Variants in NOTCH2 observed in about 807,000 individuals in gnomAD.
NOTCH2 encodes neurogenic locus notch homolog protein 2.
NOTCH2 carries 29 observed loss-of-function variants against 235.8 expected under a neutral mutation model. That is an observed-to-expected ratio of 0.12 (90% CI 0.09 to 0.17). The LOEUF is 0.17. Ranked by LOEUF, NOTCH2 falls within the 10% of genes least tolerant of loss-of-function variation. NOTCH2 has a pLI of 1.00. For synonymous variants in NOTCH2, 1,086 were observed against 1,141.5 expected (o/e 0.95, Z 0.98); for missense variants, 2,285 against 3,150.2 (o/e 0.73, Z 6.57).
At chr1:119,967,960 G>A (rs1553199895) in intron 7 of NOTCH2, 117 bp downstream of exon 7, 1 of 1,137,850 alleles carries the variant, frequency 8.8e-7, no homozygotes, top group African/African-American at 1.5e-5. Flanking sequence ...CATGTAGCAA[G>A]AGTAATCTGA....
At chr1:120,060,406 ATG>A (rs1387826037) in intron 1 of NOTCH2, among the ~76,000 whole-genome samples, 2 of 148,288 alleles carry the variant, frequency 1.3e-5, no homozygotes, top group Admixed American at 6.7e-5. Flanking sequence ...ATAGTATATT[ATG>A]TGTGTGTGCA....
chr1:119,953,425 A>G (rs1203982842), intron 14 of NOTCH2, 118 bp downstream of exon 14: 3 of 1,103,530 alleles, frequency 2.7e-6, no homozygotes, highest in Admixed American at 3.4e-5. Context: ...CTAATTGCTC[A>G]ATATGTTTGT....
rs1004106678 is a variant in NOTCH2 at position 119,956,072 on chromosome 1, G to A, written c.2027-840C>T. Among the ~76,000 whole-genome samples the A allele has an allele frequency of 2.6e-5, 4 of 152,070 alleles. No homozygotes were observed. The East Asian group carries it at 7.7e-4, about 29-fold the overall frequency. On this transcript the variant is annotated intron_variant, in intron 12 of 33. Coordinates refer to ENST00000256646, the MANE Select transcript of NOTCH2 (RefSeq NM_024408.4). ...TCATCATCATACAATGTGGATACTG[G>A]GAGTAAGTGAAATTGAAGTGAATAT... is the stretch of plus-strand genomic sequence containing the variant.
intron 2 of NOTCH2, among the ~76,000 whole-genome samples, chr1:120,023,309 C>A (rs587693364): frequency 1.3e-5 from 2 of 150,736 alleles, no homozygotes; most frequent in African/African-American, 4.9e-5. Context: ...TGGTGGCGGG[C>A]GCTTGTAGTC....
intron 1 of NOTCH2, among the ~76,000 whole-genome samples, chr1:120,039,171 A>C (rs1654442453): frequency 6.6e-6 from 1 of 152,078 alleles, no homozygotes; most frequent in Non-Finnish European, 1.5e-5. Flanking sequence ...GTGTAATAAA[A>C]CCCAACAGAG....
intron 24 of NOTCH2, 148 bp from the exon 25 acceptor site, chr1:119,925,958 G>T: frequency 1.1e-6 from 1 of 939,888 alleles, no homozygotes; most frequent in African/African-American, 1.6e-5. Flanking sequence ...GTTTCCTTTT[G>T]GTATCTCCCG....
In NOTCH2 at chr1:119,921,746, G is replaced by C. The variant is rs895442734; in HGVS notation, c.5277C>G (p.Val1759=). The C allele has an allele frequency of 1.9e-6, 3 of 1,613,970 alleles. No homozygotes were observed. Among genetic ancestry groups the C allele is most frequent in the Non-Finnish European group, 2.5e-6 (3 of 1,180,010 alleles). The change falls in exon 29 of 34, where the codon GTC becomes GTG. Residue 1759 remains valine, a synonymous_variant. Coordinates refer to ENST00000256646, the MANE Select transcript of NOTCH2 (RefSeq NM_024408.4). ...TCTTTGGCTGGGGCCCTTCATCATC[G>C]ACCCAGTGTTCACTTGTTCCAGTAC... is the stretch of plus-strand genomic sequence containing the variant. The part of the protein sequence containing the change: ...LIGTGTSEHW[V]DDEGPQPKKV...
intron 22 of NOTCH2, among the ~76,000 whole-genome samples, chr1:119,931,459 A>G (rs896780836): frequency 1.7e-4 from 26 of 152,186 alleles, no homozygotes; most frequent in Non-Finnish European, 3.4e-4. Context: ...AATTATCAAC[A>G]GGAATTTATT....
intron 8 of NOTCH2, among the ~76,000 whole-genome samples, chr1:119,966,923 C>T (rs1651161460): frequency 6.6e-6 from 1 of 152,176 alleles, no homozygotes; most frequent in South Asian, 2.1e-4. Flanking sequence ...CTTAATCAGG[C>T]AGAGCAGCCA....
rs1289802555 is a variant in NOTCH2, at chr1:119,923,982, T to A, written c.4514A>T (p.Tyr1505Phe). Residue 1505 changes from tyrosine to phenylalanine, a missense_variant and splice_region_variant, in exon 26 of 34, where the codon TAT becomes TTT. Tyr to Phe is a conservative substitution (Grantham distance 22). Coordinates refer to ENST00000256646, the MANE Select transcript of NOTCH2 (RefSeq NM_024408.4). ...GAAGTGGTCTGCACAGTATTTGTCA[T>A]ACCTAGGTAAGGGGAAGCAGAGAAC... ...ECQGNSKTCKYDKYCADHFKD... is the reference protein window; with the variant it reads ...ECQGNSKTCKFDKYCADHFKD... 6.2e-7 allele frequency: 1 copy of A among 1,612,344 alleles called. No individual in the cohort carries two copies. The highest frequency in any genetic ancestry group is 1.7e-5 in the Admixed American group (1 of 60,000).
intron 13 of NOTCH2, among the ~76,000 whole-genome samples, 168 bp downstream of exon 13, chr1:119,954,872 C>T (rs1257726329): frequency 6.6e-6 from 1 of 152,180 alleles, no homozygotes; most frequent in Non-Finnish European, 1.5e-5. Context: ...GAGGGGCCAG[C>T]TTCCATGGAT....
chr1:120,066,190 C>T (rs1553217044), intron 1 of NOTCH2, among the ~76,000 whole-genome samples: 1 of 152,106 alleles, frequency 6.6e-6, no homozygotes, highest in African/African-American at 2.4e-5. Flanking sequence ...TTCCTTGAGT[C>T]AGAAGCGTTA....
At chr1:119,920,483 T>A in intron 29 of NOTCH2, 86 bp from the exon 30 acceptor site, 1 of 1,407,536 alleles carries the variant, frequency 7.1e-7, no homozygotes, top group Non-Finnish European at 1.0e-6. Context: ...CCACCACCGC[T>A]GCTTATCTCC....
intron 12 of NOTCH2, among the ~76,000 whole-genome samples, chr1:119,957,955 G>A (rs587737434): frequency 3.8e-4 from 57 of 151,958 alleles, no homozygotes; most frequent in Middle Eastern, 3.4e-3. Flanking sequence ...TGCCTGGGAT[G>A]TAATTCTGGC....
chr1:119,957,884 A>ACACACACACACACACAC (rs1570692329), intron 12 of NOTCH2, among the ~76,000 whole-genome samples: 1 of 139,082 alleles, frequency 7.2e-6, no homozygotes, highest in Non-Finnish European at 1.6e-5. Context: ...ACACACACAC[A>ACACACACACACACACAC]ACAGGCCCCT....
intron 17 of NOTCH2, 98 bp downstream of exon 17, chr1:119,948,316 T>C (rs1650334875): frequency 7.7e-7 from 1 of 1,290,574 alleles, no homozygotes; most frequent in Non-Finnish European, 1.1e-6. Flanking sequence ...GTATGCCCAA[T>C]GTCAGGCGTG....
chr1:120,033,797 A>G (rs1315199504), intron 1 of NOTCH2, among the ~76,000 whole-genome samples: 1 of 152,194 alleles, frequency 6.6e-6, no homozygotes, highest in African/African-American at 2.4e-5. Context: ...AATTTCAAAA[A>G]ATGTTAAATA....
chr1:119,968,714 CTAGAG>C (rs1272887494), intron 6 of NOTCH2, among the ~76,000 whole-genome samples: 8 of 152,174 alleles, frequency 5.3e-5, no homozygotes, highest in African/African-American at 1.9e-4. Flanking sequence ...TCAGCCTCTA[CTAGAG>C]TAATCTTTTA....
chr1:119,947,821 T>C (rs1436265762), intron 17 of NOTCH2, among the ~76,000 whole-genome samples: 3 of 152,214 alleles, frequency 2.0e-5, no homozygotes, highest in Non-Finnish European at 4.4e-5. Context: ...GAATGTACTA[T>C]TGATATAAAC....
Sources: gnomAD v4.1 joint callset for allele counts (sites outside exome capture counted in the v4.1 genomes callset) on GRCh38, gnomAD v4.1.1 for gene constraint, MANE v1.5 for transcripts, NCBI Gene and HGNC (gene_info 2026-07-23, HGNC 2026-07-21) for gene names.